Variants in ZFTA observed in about 807,000 individuals in gnomAD.
ZFTA encodes the protein zinc finger translocation associated.
A neutral mutation model predicts 41.8 loss-of-function variants in ZFTA; 35 were observed. The observed-to-expected ratio is 0.84, with a 90% confidence interval of 0.64 to 1.11. The LOEUF is 1.11. Ranked by LOEUF, ZFTA falls within the 50% of genes most tolerant of loss-of-function variation. The pLI is 0.00. For synonymous variants in ZFTA, 514 were observed against 436.4 expected (o/e 1.18, Z -2.22); for missense variants, 964 against 989.8 (o/e 0.97, Z 0.35).
rs2014587518 is a variant in ZFTA, at chr11:63,759,968, TC to T, written c.*3449del. The T allele has an allele frequency of 6.6e-6, 1 of 152,096 alleles. No individual in the cohort carries two copies. The highest frequency in any genetic ancestry group is 2.4e-5 in the African/African-American group (1 of 41,396). The allele number at this position is 152,096 out of a possible 1,614,324, so 9.4% of individuals were successfully genotyped here. A position where few individuals can be genotyped will look rare whatever the true frequency, so the allele number is the denominator to read the frequency against. ...AGTAAGAACCAAACACTGCTTCCAC[TC>T]CCCCTATCCTCACTCCACTTTGGGG... On this transcript the variant is annotated 3_prime_UTR_variant, in exon 5 of 5. Coordinates refer to ENST00000433688, the MANE Select transcript of ZFTA (RefSeq NM_001144936.2).
At position 63,763,798 on chromosome 11, in the gene ZFTA, G is replaced by GGCCGTCCTC. The variant is rs1467964616; in HGVS notation, c.1648_1656dup (p.Glu550_Gly552dup). On this transcript the variant is annotated inframe_insertion, in exon 5 of 5. Coordinates refer to ENST00000433688, the MANE Select transcript of ZFTA (RefSeq NM_001144936.2). ...GGCAAGGCGAGTCCCCCAGGCTCCT[G>GGCCGTCCTC]GCCGTCCTCTTCGTCCTCCTCTTCT... 3 of 1,453,848 alleles carry GGCCGTCCTC rather than the reference G, an allele frequency of 2.1e-6. No individual in the cohort carries two copies. The highest frequency in any genetic ancestry group is 2.7e-6 in the Non-Finnish European group (3 of 1,106,004). 90.1% of individuals were successfully genotyped at this position (1,453,848 alleles called of 1,614,324 possible).
Position 63,764,110 on chromosome 11 carries a change from C to CG in ZFTA, c.1512dup (p.Gly505ArgfsTer130), listed in dbSNP as rs1228346103. The CG allele has an allele frequency of 9.9e-6, 13 of 1,312,460 alleles. No homozygotes were observed. The highest frequency in any genetic ancestry group is 4.2e-5 in the Admixed American group (1 of 23,820). The allele number at this position is 1,312,460 out of a possible 1,614,324, so 81.3% of individuals were successfully genotyped here. A position where few individuals can be genotyped will look rare whatever the true frequency, so the allele number is the denominator to read the frequency against. On this transcript the variant is annotated frameshift_variant, in exon 4 of 5. Transcript: ENST00000433688. LOFTEE classifies it high-confidence loss of function. ...CCCTCGTCGGAGGCTGCGGCAGTGC[C>CG]GGGGGGGATGGGGCCCTGGGGGGAC... is the stretch of plus-strand genomic sequence containing the variant.
At position 63,764,467 on chromosome 11, in the gene ZFTA, C is replaced by A; in HGVS notation, c.1156G>T (p.Gly386Trp). ...AGCTCCTCCTCCTCCTCTGCGGGCC[C>A]GGGCCTCTCAGGGACCCAGCCAGCC... Reference protein sequence around the residue: ...EEAGWVPERPGPAEEEEELEE... With the variant: ...EEAGWVPERPWPAEEEEELEE... Residue 386 changes from glycine to tryptophan, a missense_variant, in exon 4 of 5, where the codon GGG becomes TGG. Physicochemically the swap from Gly to Trp is radical, Grantham distance 184. Around this residue, in one of 5 missense-constraint regions of ZFTA, gnomAD observed 584 missense variants for 523.1 expected, o/e 1.12. Coordinates refer to ENST00000433688, the MANE Select transcript of ZFTA (RefSeq NM_001144936.2). The A allele has an allele frequency of 7.9e-7, 1 of 1,264,118 alleles. No homozygotes were observed. The highest frequency in any genetic ancestry group is 1.0e-6 in the Non-Finnish European group (1 of 1,001,312). 78.3% of individuals were successfully genotyped at this position (1,264,118 alleles called of 1,614,324 possible).
Position 63,763,451 on chromosome 11 carries a change from C to G in ZFTA, c.2004G>C (p.Ala668=), listed in dbSNP as rs1474177046. 1.4e-6 allele frequency: 2 copies of G among 1,422,362 alleles called. No homozygotes were observed. Among genetic ancestry groups the G allele is most frequent in the Middle Eastern group, 2.1e-4 (1 of 4,676 alleles). 88.1% of individuals were successfully genotyped at this position (1,422,362 alleles called of 1,614,324 possible). The change falls in exon 5 of 5, where the codon GCG becomes GCC. Residue 668 remains alanine, a synonymous_variant. Coordinates refer to ENST00000433688, the MANE Select transcript of ZFTA (RefSeq NM_001144936.2). ...PPAPAPRDGG[A]DLKSGAVCRA ...GACACACAGCGCCAGACTTGAGGTC[C>G]GCGCCGCCGTCACGCGGCGCCGGGG... is the stretch of plus-strand genomic sequence containing the variant.
intron 1 of ZFTA, among the ~76,000 whole-genome samples, chr11:63,767,832 G>C (rs758839414): frequency 6.6e-6 from 1 of 152,234 alleles, no homozygotes; most frequent in Non-Finnish European, 1.5e-5. Flanking sequence ...CTGAAAAGAA[G>C]GGAAGGGAGA....
In ZFTA at chr11:63,765,264, T is replaced by G. The variant is rs1160558069; in HGVS notation, c.638-10A>C. The G allele has an allele frequency of 1.5e-5, 22 of 1,442,776 alleles. No individual in the cohort carries two copies. Among genetic ancestry groups the G allele is most frequent in the Non-Finnish European group, 1.8e-5 (20 of 1,104,984 alleles). 89.4% of individuals were successfully genotyped at this position (1,442,776 alleles called of 1,614,324 possible). On this transcript the variant is annotated splice_polypyrimidine_tract_variant and intron_variant, in intron 2 of 4. Transcript: ENST00000433688. The surrounding 1 kb of genome is among the most constrained non-coding windows in gnomAD (Gnocchi z 4.0). ...CCAGCTGGGGCTTTGCCTGAAAGGG[T>G]TGGAGGGAAGGAACTGAGACGCTGG... is the stretch of plus-strand genomic sequence containing the variant.
At chr11:63,766,941 G>A (rs1268854157) in intron 1 of ZFTA, among the ~76,000 whole-genome samples, 1 of 152,256 alleles carries the variant, frequency 6.6e-6, no homozygotes, top group East Asian at 1.9e-4. Context: ...TTCTGAGACT[G>A]AAACTTCTCC....
In ZFTA at chr11:63,768,594, C is replaced by T; in HGVS notation, c.29G>A (p.Arg10Gln). 1 of 1,034,782 alleles carries T rather than the reference C, an allele frequency of 9.7e-7. No homozygotes were observed. The allele number at this position is 1,034,782 out of a possible 1,614,324, so 64.1% of individuals were successfully genotyped here. The stretch of plus-strand genomic sequence containing the variant: ...GGGGCCGCCCCTGCCGCCGCTGCTC[C>T]GGCTCCGGTGGTCCCCGCCGGGCTC... MEPGGDHRSRSSGGRGGPGP... is the reference protein window; with the variant it reads MEPGGDHRSQSSGGRGGPGP... Residue 10 changes from arginine to glutamine, a missense_variant, in exon 1 of 5, where the codon CGG becomes CAG. Coordinates refer to ENST00000433688, the MANE Select transcript of ZFTA (RefSeq NM_001144936.2).
chr11:63,765,480 C>T lies in ZFTA; in HGVS notation c.638-226G>A, dbSNP rs960778077. Reference sequence around the variant, plus strand: ...ATCTAGCCCTGTCCCTGGCCTTCACCGTCAGCCACACCTCTCCAGCACCCT... The same window carrying T: ...ATCTAGCCCTGTCCCTGGCCTTCACTGTCAGCCACACCTCTCCAGCACCCT... On this transcript the variant is annotated intron_variant, in intron 2 of 4. Transcript: ENST00000433688. This position sits in a 1 kb window ranked among gnomAD's most constrained non-coding sequence, Gnocchi z 4.0. Among the ~76,000 whole-genome samples the T allele has an allele frequency of 3.3e-5, 5 of 152,242 alleles. No individual in the cohort carries two copies. The South Asian group carries it at 8.3e-4, about 25-fold the overall frequency.
rs2014736512 is a variant in ZFTA at position 63,765,867 on chromosome 11, C to T, written c.577G>A (p.Glu193Lys). Residue 193 changes from glutamate (E) to lysine (K), a missense_variant, in exon 2 of 5, where the codon GAG (glutamate) becomes AAG (lysine). Around this residue, in one of 5 missense-constraint regions of ZFTA, gnomAD observed 141 missense variants for 216.7 expected, o/e 0.65. Transcript: ENST00000433688. This position sits in a 1 kb window ranked among gnomAD's most constrained non-coding sequence, Gnocchi z 4.0. ...GVQGAEEEEEEEEEEEEEGAG... is the reference protein window; with the variant it reads ...GVQGAEEEEEKEEEEEEEGAG... ...CCCTCCTCCTCCTCCTCTTCTTCCT[C>T]CTCCTCCTCCTCCTCAGCCCCCTGG... 1.3e-6 allele frequency: 2 copies of T among 1,502,274 alleles called. No homozygotes were observed. The highest frequency in any genetic ancestry group is 1.8e-6 in the Non-Finnish European group (2 of 1,121,918). 93.1% of individuals were successfully genotyped at this position (1,502,274 alleles called of 1,614,324 possible).
Position 63,764,512 on chromosome 11 carries a change from G to T in ZFTA, c.1111C>A (p.Pro371Thr). ...AGAPSSQDLS[P>T]PDVKEEAGWV... ...CCAGCCTCTTCCTTTACGTCTGGGG[G>T]GCTGAGATCCTGAGAGGAGGGGGCT... The change falls in exon 4 of 5, where the codon CCC becomes ACC. Residue 371 changes from proline (P) to threonine (T), a missense_variant. Pro to Thr is a conservative substitution (Grantham distance 38). This residue lies in a region of ZFTA where 584 missense variants were observed against 523.1 expected (regional missense o/e 1.12). Coordinates refer to ENST00000433688, the MANE Select transcript of ZFTA (RefSeq NM_001144936.2). 2 of 1,257,368 alleles carry T rather than the reference G, an allele frequency of 1.6e-6. No individual in the cohort carries two copies. The highest frequency in any genetic ancestry group is 2.0e-6 in the Non-Finnish European group (2 of 995,638). The allele number at this position is 1,257,368 out of a possible 1,614,324, so 77.9% of individuals were successfully genotyped here.
In ZFTA at chr11:63,763,741, G is replaced by A; in HGVS notation, c.1714C>T (p.Pro572Ser). Residue 572 changes from proline to serine, a missense_variant, in exon 5 of 5, where the codon CCC (proline) becomes TCC (serine). Transcript: ENST00000433688. ...PPPPPPPPPP[P>S]RSREQRRNYQ... ...TTCCGCCGCTGCTCCCGGCTGCGGG[G>A]CGGGGGCGGAGGCGGGGGAGGAGGC... is the stretch of plus-strand genomic sequence containing the variant. 1 of 1,497,196 alleles carries A rather than the reference G, an allele frequency of 6.7e-7. No individual in the cohort carries two copies. 92.7% of individuals were successfully genotyped at this position (1,497,196 alleles called of 1,614,324 possible).
rs1004622700 is a variant in ZFTA at position 63,760,844 on chromosome 11, C to T, written c.*2574G>A. On this transcript the variant is annotated 3_prime_UTR_variant, in exon 5 of 5. Coordinates refer to ENST00000433688, the MANE Select transcript of ZFTA (RefSeq NM_001144936.2). ...GGGTATGGCCCAAGAATTTTTATTT[C>T]TAGCAGATTCCTAAGGTGATGCTGC... The T allele has an allele frequency of 6.6e-6, 1 of 152,238 alleles. No individual in the cohort carries two copies. Among genetic ancestry groups the T allele is most frequent in the Non-Finnish European group, 1.5e-5 (1 of 68,056 alleles). The allele number at this position is 152,238 out of a possible 1,614,324, so 9.4% of individuals were successfully genotyped here. A position where few individuals can be genotyped will look rare whatever the true frequency, so the allele number is the denominator to read the frequency against.
At position 63,763,469 on chromosome 11, in the gene ZFTA, C is replaced by A. The variant is rs549988293; in HGVS notation, c.1986G>T (p.Ala662=). The part of the protein sequence containing the change: ...GHEGFGPPAP[A]PRDGGADLKS... Reference sequence around the variant, plus strand: ...TGAGGTCCGCGCCGCCGTCACGCGGCGCCGGGGCGGGCGGCCCGAAGCCCT... The same window carrying A: ...TGAGGTCCGCGCCGCCGTCACGCGGAGCCGGGGCGGGCGGCCCGAAGCCCT... Residue 662 remains alanine (A), a synonymous_variant, in exon 5 of 5, where the codon GCG becomes GCT. Coordinates refer to ENST00000433688, the MANE Select transcript of ZFTA (RefSeq NM_001144936.2). 2.7e-5 allele frequency: 41 copies of A among 1,498,034 alleles called. 1 individual carries two copies. In the South Asian group the frequency reaches 5.0e-4, roughly 18 times the overall value. The allele number at this position is 1,498,034 out of a possible 1,614,324, so 92.8% of individuals were successfully genotyped here.
rs990066816 is a variant in ZFTA at position 63,765,132 on chromosome 11, G to A, written c.760C>T (p.Arg254Trp). The change falls in exon 3 of 5, where the codon CGG becomes TGG. Residue 254 changes from arginine (R) to tryptophan (W), a missense_variant. This residue lies in a region of ZFTA where 584 missense variants were observed against 523.1 expected (regional missense o/e 1.12). Coordinates refer to ENST00000433688, the MANE Select transcript of ZFTA (RefSeq NM_001144936.2). The surrounding 1 kb of genome is among the most constrained non-coding windows in gnomAD (Gnocchi z 4.0). ...TCCTTCAGCCTCCTCTCCAGGCGCCGGGCCCCCAGCCCCCTGCTGCCCCCG... is the reference window on the plus strand; with the variant it reads ...TCCTTCAGCCTCCTCTCCAGGCGCCAGGCCCCCAGCCCCCTGCTGCCCCCG... ...RAGGSRGLGA[R>W]RLERRLKESL... The A allele has an allele frequency of 7.1e-6, 11 of 1,547,294 alleles. No individual in the cohort carries two copies. Among genetic ancestry groups the A allele is most frequent in the East Asian group, 2.5e-5 (1 of 40,800 alleles).
chr11:63,765,226 C>A lies in ZFTA; in HGVS notation c.666G>T (p.Arg222=), dbSNP rs917952770. ...CCACTGGGCCCCCTCGCCGCTGGCG[C>A]CGGCAGCCCCCACCAGCTGGGGCTT... ...PGKAPAGGGC[R]RQRRGGPVAP... The change falls in exon 3 of 5, where the codon CGG becomes CGT. Residue 222 remains arginine (R), a synonymous_variant. Transcript: ENST00000433688. The surrounding 1 kb of genome is among the most constrained non-coding windows in gnomAD (Gnocchi z 4.0). 6.2e-6 allele frequency: 9 copies of A among 1,459,552 alleles called. No homozygotes were observed. The African/African-American group carries it at 1.2e-4, about 19-fold the overall frequency. 90.4% of individuals were successfully genotyped at this position (1,459,552 alleles called of 1,614,324 possible). A position where few individuals can be genotyped will look rare whatever the true frequency, so the allele number is the denominator to read the frequency against.
rs1426779884 is a variant in ZFTA, at chr11:63,763,364, C to A, written c.*54G>T. ...GCCGAAGGGCCGGGCGAGCACAGGG[C>A]GGGGCGGGGCCGATCCGACCCGACC... is the stretch of plus-strand genomic sequence containing the variant. On this transcript the variant is annotated 3_prime_UTR_variant, in exon 5 of 5. Coordinates refer to ENST00000433688, the MANE Select transcript of ZFTA (RefSeq NM_001144936.2). The A allele has an allele frequency of 2.6e-6, 3 of 1,156,680 alleles. No homozygotes were observed. The highest frequency in any genetic ancestry group is 1.7e-5 in the African/African-American group (1 of 60,268). The allele number at this position is 1,156,680 out of a possible 1,614,324, so 71.7% of individuals were successfully genotyped here. A position where few individuals can be genotyped will look rare whatever the true frequency, so the allele number is the denominator to read the frequency against.
chr11:63,768,476 G>A lies in ZFTA; in HGVS notation c.139+8C>T. 1 of 1,184,054 alleles carries A rather than the reference G, an allele frequency of 8.4e-7. No homozygotes were observed. The highest frequency in any genetic ancestry group is 1.8e-5 in the South Asian group (1 of 54,350). The allele number at this position is 1,184,054 out of a possible 1,614,324, so 73.3% of individuals were successfully genotyped here. On this transcript the variant is annotated splice_region_variant and intron_variant, in intron 1 of 4. Transcript: ENST00000433688. ...GCCCCCGCCCGGGCCGCCGGCCCCA[G>A]CTCTTACCGCCTTCGTCTTCCTCTG... is the stretch of plus-strand genomic sequence containing the variant.
chr11:63,760,074 T>A lies in ZFTA; in HGVS notation c.*3344A>T, dbSNP rs2014591047. 6.6e-6 allele frequency: 1 copy of A among 152,174 alleles called. No individual in the cohort carries two copies. The highest frequency in any genetic ancestry group is 2.4e-5 in the African/African-American group (1 of 41,434). 9.4% of individuals were successfully genotyped at this position (152,174 alleles called of 1,614,324 possible). On this transcript the variant is annotated 3_prime_UTR_variant, in exon 5 of 5. Transcript: ENST00000433688. ...TTTAGTTGTACAGCATAACTGTGCA[T>A]TTGATCTCTGAAAGAAAATAAGAGA...
Sources: gnomAD v4.1 joint callset for allele counts (sites outside exome capture counted in the v4.1 genomes callset) on GRCh38, gnomAD v4.1.1 for gene constraint, gnomAD v4.1.1 regional missense constraint, Gnocchi (gnomAD v3.1) non-coding constraint, MANE v1.5 for transcripts, NCBI Gene and HGNC (gene_info 2026-07-23, HGNC 2026-07-21) for gene names.